Variants in BCAS3 observed in about 807,000 individuals in gnomAD.
The protein encoded by BCAS3 is BCAS3 microtubule associated cell migration factor, also known as BCAS4/BCAS3 fusion.
Under a neutral mutation model 116.1 loss-of-function variants are expected in BCAS3, and 53 were observed. That is an observed-to-expected ratio of 0.46 (90% CI 0.37 to 0.57). The LOEUF is 0.57. Ranked by LOEUF, BCAS3 falls within the 20% of genes least tolerant of loss-of-function variation. BCAS3 has a pLI of 0.00. For missense variants in BCAS3, 917 were observed against 1,165.4 expected, an observed-to-expected ratio of 0.79 and a Z score of 3.10; for synonymous variants, 391 against 408.2, an observed-to-expected ratio of 0.96 and a Z score of 0.51.
chr17:60,856,016 C>T (rs1191503296), intron 7 of BCAS3, among the ~76,000 whole-genome samples: 1 of 152,034 alleles, frequency 6.6e-6, no homozygotes, highest in Non-Finnish European at 1.5e-5. Flanking sequence ...ATTCATGCAT[C>T]TATATAATCT....
chr17:61,117,757 C>T (rs1485610337), intron 22 of BCAS3, among the ~76,000 whole-genome samples: 1 of 152,058 alleles, frequency 6.6e-6, no homozygotes, highest in East Asian at 1.9e-4. Context: ...GGGGAGATTT[C>T]CATATACTCC....
chr17:61,312,344 C>G (rs768335152), intron 22 of BCAS3, among the ~76,000 whole-genome samples: 1 of 152,136 alleles, frequency 6.6e-6, no homozygotes, highest in Non-Finnish European at 1.5e-5. Context: ...GCCAGTTCTC[C>G]CGAAAGACAG....
intron 5 of BCAS3, among the ~76,000 whole-genome samples, chr17:60,717,666 C>G (rs1471660713): frequency 2.0e-5 from 3 of 152,270 alleles, no homozygotes; most frequent in Non-Finnish European, 4.4e-5. Context: ...TTCAAATATA[C>G]AGCAAAGTTG....
At chr17:60,818,399 A>G (rs2049628826) in intron 7 of BCAS3, among the ~76,000 whole-genome samples, 1 of 152,194 alleles carries the variant, frequency 6.6e-6, no homozygotes, top group African/African-American at 2.4e-5. Flanking sequence ...GTGGTACTGC[A>G]GTGACTTTAT....
intron 5 of BCAS3, among the ~76,000 whole-genome samples, chr17:60,711,473 C>CAA (rs59305498): frequency 0.11 from 17,339 of 151,898 alleles, 2,962 homozygotes; most frequent in African/African-American, 0.37. Context: ...GTACTGAAGA[C>CAA]AGAGGAAGTT....
rs2055684712 is a variant in BCAS3, at chr17:61,325,837, T to G, written c.2426-42490T>G. On this transcript the variant is annotated intron_variant, in intron 22 of 23. Coordinates refer to ENST00000407086, the MANE Select transcript of BCAS3 (RefSeq NM_017679.5). The surrounding 1 kb of genome is among the most constrained non-coding windows in gnomAD (Gnocchi z 6.4). ...AAGATAAACAGGATAGGGTGGTCCC[T>G]GGGGACAGTCATCTGGGACCCAGTC... Among the ~76,000 whole-genome samples the G allele has an allele frequency of 6.6e-6, 1 of 152,124 alleles. No individual in the cohort carries two copies. Among genetic ancestry groups the G allele is most frequent in the Non-Finnish European group, 1.5e-5 (1 of 68,032 alleles).
chr17:60,931,486 G>A (rs1382633536), intron 13 of BCAS3, among the ~76,000 whole-genome samples: 7 of 151,830 alleles, frequency 4.6e-5, no homozygotes, highest in Admixed American at 2.6e-4. Context: ...CATGTTGCAC[G>A]GGCTGGTCTC....
At position 61,229,641 on chromosome 17, in the gene BCAS3, A is replaced by G. The variant is rs1294048754; in HGVS notation, c.2426-138686A>G. Among the ~76,000 whole-genome samples the G allele has an allele frequency of 6.6e-6, 1 of 152,192 alleles. No homozygotes were observed. The highest frequency in any genetic ancestry group is 2.4e-5 in the African/African-American group (1 of 41,452). ...CCAATTTTCTTTGTCTAAATACAAT[A>G]GTTTTCCTTCCAGGCAGCCTCAGTC... On this transcript the variant is annotated intron_variant, in intron 22 of 23. Coordinates refer to ENST00000407086, the MANE Select transcript of BCAS3 (RefSeq NM_017679.5). The surrounding 1 kb of genome is among the most constrained non-coding windows in gnomAD (Gnocchi z 4.4).
chr17:60,793,778 T>C (rs1036646920), intron 6 of BCAS3, among the ~76,000 whole-genome samples: 12 of 152,262 alleles, frequency 7.9e-5, no homozygotes, highest in African/African-American at 1.4e-4. Context: ...TATATATATA[T>C]ACACACCAGA....
chr17:60,909,080 A>G (rs1161661612), intron 11 of BCAS3, among the ~76,000 whole-genome samples: 1 of 152,168 alleles, frequency 6.6e-6, no homozygotes, highest in Non-Finnish European at 1.5e-5. Flanking sequence ...CTTTCATAAA[A>G]TTGAAGTATC....
Position 61,392,063 on chromosome 17 carries a change from C to G in BCAS3, c.2680C>G (p.Arg894Gly). The G allele has an allele frequency of 6.2e-7, 1 of 1,613,836 alleles. No individual in the cohort carries two copies. The highest frequency in any genetic ancestry group is 1.1e-5 in the South Asian group (1 of 91,086). ...GSIPRNFDGY[R>G]SPLPTNESQP... is the part of the protein sequence containing the mutation. ...CATACCAAGAAACTTTGATGGCTAC[C>G]GATCTCCGCTGCCCACCAATGAGAG... The change falls in exon 24 of 24, where the codon CGA (arginine) becomes GGA (glycine). Residue 894 changes from arginine to glycine, a missense_variant. Physicochemically the swap from Arg to Gly is moderately radical, Grantham distance 125 (BLOSUM62 -2). Transcript: ENST00000407086. This position sits in a 1 kb window ranked among gnomAD's most constrained non-coding sequence, Gnocchi z 6.4.
rs887626805 is a variant in BCAS3, at chr17:61,388,482, C to T, written c.2594-3495C>T. Reference sequence around the variant, plus strand: ...ACATGCATGTCACTGTCCTCCTTGACTGCAAACTCCCCCTCCTCACGGTGT... The same window carrying T: ...ACATGCATGTCACTGTCCTCCTTGATTGCAAACTCCCCCTCCTCACGGTGT... On this transcript the variant is annotated intron_variant, in intron 23 of 23. Transcript: ENST00000407086. The surrounding 1 kb of genome is among the most constrained non-coding windows in gnomAD (Gnocchi z 6.5). 8 of 748,006 alleles carry T rather than the reference C, an allele frequency of 1.1e-5. No individual in the cohort carries two copies. The highest frequency in any genetic ancestry group is 1.5e-5 in the Non-Finnish European group (7 of 466,408). 46.3% of individuals were successfully genotyped at this position (748,006 alleles called of 1,614,324 possible). A position where few individuals can be genotyped will look rare whatever the true frequency, so the allele number is the denominator to read the frequency against.
At chr17:60,918,318 T>C (rs1282272832) in intron 12 of BCAS3, among the ~76,000 whole-genome samples, 1 of 152,228 alleles carries the variant, frequency 6.6e-6, no homozygotes, top group Admixed American at 6.5e-5. Flanking sequence ...AATTGATACA[T>C]AATATTTGTA....
chr17:60,917,931 G>A (rs183427205), intron 12 of BCAS3, among the ~76,000 whole-genome samples: 1 of 152,184 alleles, frequency 6.6e-6, no homozygotes, highest in African/African-American at 2.4e-5. Flanking sequence ...TGTGAACATT[G>A]GTGTACACAT....
rs1358352728 is a variant in BCAS3 at position 60,960,154 on chromosome 17, C to G, written c.1221+12802C>G. Among the ~76,000 whole-genome samples the G allele has an allele frequency of 6.6e-6, 1 of 152,160 alleles. No individual in the cohort carries two copies. Among genetic ancestry groups the G allele is most frequent in the Non-Finnish European group, 1.5e-5 (1 of 68,030 alleles). The stretch of plus-strand genomic sequence containing the variant: ...TCACTTCTCTGTATTCTATCCTCTG[C>G]CTCCCAGAATTCATGTTCATGCCAT... On this transcript the variant is annotated intron_variant, in intron 14 of 23. Coordinates refer to ENST00000407086, the MANE Select transcript of BCAS3 (RefSeq NM_017679.5). This position sits in a 1 kb window ranked among gnomAD's most constrained non-coding sequence, Gnocchi z 4.1.
chr17:61,085,818 ATGC>A (rs2073048199), intron 22 of BCAS3, among the ~76,000 whole-genome samples: 2 of 152,226 alleles, frequency 1.3e-5, no homozygotes, highest in Non-Finnish European at 2.9e-5. Context: ...CATTCTGAGA[ATGC>A]TAAGAGATTG....
chr17:61,119,598 A>G (rs533696109), intron 22 of BCAS3, among the ~76,000 whole-genome samples: 2 of 152,224 alleles, frequency 1.3e-5, no homozygotes, highest in South Asian at 4.1e-4. Context: ...TACTCTTGGC[A>G]TTCCTCCTAA....
chr17:60,735,210 T>G (rs1201529774), intron 5 of BCAS3, among the ~76,000 whole-genome samples: 1 of 152,146 alleles, frequency 6.6e-6, no homozygotes, highest in South Asian at 2.1e-4. Context: ...CAATTCCAGT[T>G]TTTTGTTGAA....
intron 13 of BCAS3, among the ~76,000 whole-genome samples, chr17:60,931,378 C>T (rs1461622669): frequency 6.6e-6 from 1 of 152,106 alleles, no homozygotes; most frequent in African/African-American, 2.4e-5. Context: ...CGGGTTCAAG[C>T]GATTTTCCTG....
Sources: gnomAD v4.1 joint callset for allele counts (sites outside exome capture counted in the v4.1 genomes callset) on GRCh38, gnomAD v4.1.1 for gene constraint, Gnocchi (gnomAD v3.1) non-coding constraint, MANE v1.5 for transcripts, NCBI Gene and HGNC (gene_info 2026-07-23, HGNC 2026-07-21) for gene names.